ZNRF1: variants seen among roughly 807,000 people sequenced by gnomAD.
ZNRF1 encodes zinc and ring finger 1.
Under a neutral mutation model 18.4 loss-of-function variants are expected in ZNRF1, and 3 were observed. The ratio of observed to expected loss-of-function variants is 0.16; its 90% CI spans 0.07 to 0.42. The LOEUF is 0.42. Ranked by LOEUF, ZNRF1 falls within the 10% of genes least tolerant of loss-of-function variation. ZNRF1 has a pLI of 0.99. For missense variants in ZNRF1, 310 were observed against 329.8 expected, an observed-to-expected ratio of 0.94 and a Z score of 0.47; for synonymous variants, 157 against 144.2, an observed-to-expected ratio of 1.09 and a Z score of -0.64.
At position 75,037,038 on chromosome 16, in the gene ZNRF1, C is replaced by T. The variant is rs926879218; in HGVS notation, c.424+36943C>T. Among the ~76,000 whole-genome samples the T allele has an allele frequency of 7.9e-4, 120 of 152,122 alleles. 1 individual carries two copies. Among genetic ancestry groups the T allele is most frequent in the African/African-American group, 2.7e-3 (112 of 41,432 alleles). ...TTACACATGCTCTTATTTTTTTCCT[C>T]ACAACAATCCCAAGAGGTGGAAATA... On this transcript the variant is annotated intron_variant, in intron 1 of 4. Coordinates refer to ENST00000335325, the MANE Select transcript of ZNRF1 (RefSeq NM_032268.5).
intron 1 of ZNRF1, among the ~76,000 whole-genome samples, chr16:75,043,571 A>T (rs1353865817): frequency 6.6e-6 from 1 of 152,146 alleles, no homozygotes; most frequent in Non-Finnish European, 1.5e-5. Flanking sequence ...TATGCAAGGA[A>T]TCATTTTCAG....
At chr16:75,041,312 G>A (rs1381500564) in intron 1 of ZNRF1, among the ~76,000 whole-genome samples, 2 of 152,004 alleles carry the variant, frequency 1.3e-5, no homozygotes, top group African/African-American at 4.8e-5. Flanking sequence ...GTACCACATT[G>A]TGATTTTAAT....
chr16:75,022,534 C>G (rs902648462), intron 1 of ZNRF1, among the ~76,000 whole-genome samples: 1 of 151,840 alleles, frequency 6.6e-6, no homozygotes, highest in Admixed American at 6.6e-5. Context: ...CCACTGCACT[C>G]CAGCCTGGGC....
chr16:75,039,931 G>A (rs1286156038), intron 1 of ZNRF1, among the ~76,000 whole-genome samples: 1 of 151,918 alleles, frequency 6.6e-6, no homozygotes, highest in Admixed American at 6.6e-5. Flanking sequence ...TTTTGAAACT[G>A]AGGTATAGTT....
rs1347274525 is a variant in ZNRF1 at position 75,001,990 on chromosome 16, GGCT to G, written c.424+1899_424+1901del. 3.3e-5 allele frequency among the ~76,000 whole-genome samples: 5 copies of G among 152,234 alleles called. No homozygotes were observed. In the South Asian group the frequency reaches 1.0e-3, roughly 32 times the overall value. On this transcript the variant is annotated intron_variant, in intron 1 of 4. Coordinates refer to ENST00000335325, the MANE Select transcript of ZNRF1 (RefSeq NM_032268.5). ...AAGGGTGTCAAAAGTGTGTATGGGA[GGCT>G]GCTATTAATATTGTAGGTAATCCAT... is the stretch of plus-strand genomic sequence containing the variant.
chr16:75,009,553 A>G (rs1006992935), intron 1 of ZNRF1, among the ~76,000 whole-genome samples: 1 of 152,166 alleles, frequency 6.6e-6, no homozygotes, highest in African/African-American at 2.4e-5. Context: ...GGTTGCTTCC[A>G]TATTTTAGCT....
intron 1 of ZNRF1, among the ~76,000 whole-genome samples, chr16:75,024,674 C>T (rs1284785102): frequency 6.6e-6 from 1 of 152,214 alleles, no homozygotes; most frequent in Non-Finnish European, 1.5e-5. Context: ...AAGGAAAGCC[C>T]TGGAGCAGGT....
intron 1 of ZNRF1, among the ~76,000 whole-genome samples, chr16:75,001,892 C>T (rs1037402317): frequency 1.3e-5 from 2 of 151,914 alleles, no homozygotes; most frequent in Non-Finnish European, 2.9e-5. Flanking sequence ...TTTTTTCATC[C>T]GATCATGGTG....
intron 1 of ZNRF1, among the ~76,000 whole-genome samples, chr16:75,005,646 T>C (rs912323867): frequency 1.3e-5 from 2 of 152,250 alleles, no homozygotes; most frequent in African/African-American, 4.8e-5. Context: ...ACCTGAACCC[T>C]ATATCTACTA....
At chr16:75,050,280 C>A (rs150130614) in intron 1 of ZNRF1, among the ~76,000 whole-genome samples, 2,339 of 152,288 alleles carry the variant, frequency 0.015, 20 homozygotes, top group Non-Finnish European at 0.023. Context: ...AATCCCGGCA[C>A]TTGGTGAGGT....
intron 1 of ZNRF1, among the ~76,000 whole-genome samples, chr16:75,017,410 T>G (rs1177640313): frequency 1.3e-5 from 2 of 152,230 alleles, no homozygotes; most frequent in Non-Finnish European, 2.9e-5. Flanking sequence ...ATTTCAGACT[T>G]ACAGAAAAGT....
chr16:75,025,351 A>G (rs535548892), intron 1 of ZNRF1, among the ~76,000 whole-genome samples: 2 of 152,146 alleles, frequency 1.3e-5, no homozygotes, highest in South Asian at 4.1e-4. Flanking sequence ...TACAGGACTG[A>G]GCCACCACGC....
chr16:75,088,290 T>C (rs1185684461), intron 1 of ZNRF1, among the ~76,000 whole-genome samples: 1 of 152,214 alleles, frequency 6.6e-6, no homozygotes. Flanking sequence ...GATATTAGTC[T>C]TTTCTAGCTG....
intron 1 of ZNRF1, among the ~76,000 whole-genome samples, chr16:75,078,025 C>T (rs1186269836): frequency 6.6e-6 from 1 of 152,198 alleles, no homozygotes; most frequent in Non-Finnish European, 1.5e-5. Flanking sequence ...CGGAGGTGGA[C>T]ATGTTTGGGG....
intron 1 of ZNRF1, among the ~76,000 whole-genome samples, chr16:75,023,968 T>G (rs550597738): frequency 6.4e-4 from 97 of 151,608 alleles, no homozygotes; most frequent in Admixed American, 1.6e-3. Context: ...CCTCCTGGGT[T>G]CAAGTGATTC....
At chr16:75,051,047 A>C (rs986351070) in intron 1 of ZNRF1, among the ~76,000 whole-genome samples, 1 of 19,508 alleles carries the variant, frequency 5.1e-5, no homozygotes, top group African/African-American at 6.6e-5. Flanking sequence ...AAAAAAAAAA[A>C]AACAAAACCT....
At chr16:75,016,043 C>A (rs2145329788) in intron 1 of ZNRF1, among the ~76,000 whole-genome samples, 1 of 151,528 alleles carries the variant, frequency 6.6e-6, no homozygotes, top group East Asian at 1.9e-4. Flanking sequence ...CCCTCAGCCT[C>A]CCGAGTAGCT....
At chr16:75,098,829 G>A (rs1368999662) in intron 2 of ZNRF1, among the ~76,000 whole-genome samples, 1 of 152,214 alleles carries the variant, frequency 6.6e-6, no homozygotes, top group Non-Finnish European at 1.5e-5. Context: ...TTCCCTCCCA[G>A]CCAGGTGCAG....
In ZNRF1 at chr16:75,107,937, C is replaced by T. The variant is rs1393972022; in HGVS notation, c.*237C>T. ...CTATCCTTCCCCTCACCCCTCAGCC[C>T]AGGAGGGAAAGGGCATTTTCTTTTT... On this transcript the variant is annotated 3_prime_UTR_variant, in exon 5 of 5. Coordinates refer to ENST00000335325, the MANE Select transcript of ZNRF1 (RefSeq NM_032268.5). 6 of 372,942 alleles carry T rather than the reference C, an allele frequency of 1.6e-5. No individual in the cohort carries two copies. In the East Asian group the frequency reaches 4.7e-4, roughly 29 times the overall value. 23.1% of individuals were successfully genotyped at this position (372,942 alleles called of 1,614,324 possible). A position where few individuals can be genotyped will look rare whatever the true frequency, so the allele number is the denominator to read the frequency against.
Sources: gnomAD v4.1 joint callset for allele counts (sites outside exome capture counted in the v4.1 genomes callset) on GRCh38, gnomAD v4.1.1 for gene constraint, MANE v1.5 for transcripts, NCBI Gene and HGNC (gene_info 2026-07-23, HGNC 2026-07-21) for gene names.